The following DNAJC5B variants were observed in gnomAD, a reference collection of about 807,000 sequenced individuals.
DNAJC5B encodes DnaJ heat shock protein family (Hsp40) member C5 beta.
DNAJC5B carries 23 observed loss-of-function variants against 24.7 expected under a neutral mutation model. That is an observed-to-expected ratio of 0.93 (90% CI 0.67 to 1.32). The LOEUF (loss-of-function observed/expected upper bound fraction) is 1.32, where lower values mean the gene tolerates loss of function less well. Ranked by LOEUF, DNAJC5B falls within the 40% of genes most tolerant of loss-of-function variation. DNAJC5B has a pLI of 0.00. For synonymous variants in DNAJC5B, 101 were observed against 90.1 expected (o/e 1.12, Z -0.68); for missense variants, 238 against 240.8 (o/e 0.99, Z 0.08).
chr8:66,030,479 G>T (rs1366052986), intron 1 of DNAJC5B, among the ~76,000 whole-genome samples: 2 of 152,146 alleles, frequency 1.3e-5, no homozygotes, highest in Non-Finnish European at 2.9e-5. Context: ...TCAGAAAGTA[G>T]TTCATCTCCA....
intron 1 of DNAJC5B, among the ~76,000 whole-genome samples, chr8:66,034,597 G>C (rs1248706959): frequency 6.6e-6 from 1 of 151,884 alleles, no homozygotes; most frequent in Non-Finnish European, 1.5e-5. Context: ...GAAAGGCAAA[G>C]CTGGAGTTTC....
chr8:66,045,304 G>A (rs1806700020), intron 2 of DNAJC5B, among the ~76,000 whole-genome samples: 1 of 152,178 alleles, frequency 6.6e-6, no homozygotes, highest in Non-Finnish European at 1.5e-5. Context: ...TTGTCTGTCT[G>A]AAAGGAAATA....
intron 3 of DNAJC5B, among the ~76,000 whole-genome samples, chr8:66,060,575 A>G (rs1333957196): frequency 6.6e-6 from 1 of 152,216 alleles, no homozygotes; most frequent in Non-Finnish European, 1.5e-5. Flanking sequence ...CTGGGTAAAT[A>G]AAGTGTATTA....
intron 1 of DNAJC5B, among the ~76,000 whole-genome samples, chr8:66,039,191 G>T (rs921153098): frequency 6.6e-6 from 1 of 152,112 alleles, no homozygotes; most frequent in Non-Finnish European, 1.5e-5. Flanking sequence ...GCAAAGCTCC[G>T]TAATGGGTGA....
At chr8:66,057,956 G>T (rs1365891494) in intron 3 of DNAJC5B, 1 of 152,246 alleles carries the variant, frequency 6.6e-6, no homozygotes, top group Non-Finnish European at 1.5e-5. Context: ...GATAAAGAAA[G>T]GATCTTAGAC....
intron 4 of DNAJC5B, among the ~76,000 whole-genome samples, chr8:66,080,170 C>T (rs1807560286): frequency 6.6e-6 from 1 of 152,140 alleles, no homozygotes; most frequent in Non-Finnish European, 1.5e-5. Context: ...GTCTAATTTA[C>T]TAGGCAAAAC....
At chr8:66,049,564 T>C (rs1440267554) in intron 2 of DNAJC5B, among the ~76,000 whole-genome samples, 2 of 152,228 alleles carry the variant, frequency 1.3e-5, no homozygotes, top group Non-Finnish European at 2.9e-5. Flanking sequence ...TAGTAGGCTC[T>C]ATTATCTAGG....
At chr8:66,046,137 C>T (rs1806718148) in intron 2 of DNAJC5B, among the ~76,000 whole-genome samples, 1 of 152,136 alleles carries the variant, frequency 6.6e-6, no homozygotes, top group Non-Finnish European at 1.5e-5. Flanking sequence ...ACCCAGAGAC[C>T]AGGAATCTTC....
chr8:66,018,075 T>G (rs1405071667), upstream of DNAJC5B, among the ~76,000 whole-genome samples: 1 of 152,198 alleles, frequency 6.6e-6, no homozygotes, highest in Non-Finnish European at 1.5e-5. Flanking sequence ...CAATTTCTTG[T>G]GCATTCAATT....
chr8:66,041,104 A>G (rs1806599121), intron 1 of DNAJC5B, among the ~76,000 whole-genome samples: 1 of 152,234 alleles, frequency 6.6e-6, no homozygotes, highest in Admixed American at 6.5e-5. Context: ...AAGTAAGTTA[A>G]CACAATGAAT....
chr8:66,033,227 C>G (rs868019196), intron 1 of DNAJC5B, among the ~76,000 whole-genome samples: 1 of 152,220 alleles, frequency 6.6e-6, no homozygotes, highest in Non-Finnish European at 1.5e-5. Flanking sequence ...GAGGTCGGCA[C>G]CTGTTTTGCA....
At chr8:66,076,944 C>T in intron 4 of DNAJC5B, 71 bp downstream of exon 4, 2 of 1,545,846 alleles carry the variant, frequency 1.3e-6, no homozygotes, top group East Asian at 2.3e-5. Context: ...TAGATTCCAT[C>T]TCAAAGGAAG....
At chr8:66,049,164 T>A (rs540464267) in intron 2 of DNAJC5B, among the ~76,000 whole-genome samples, 2 of 152,364 alleles carry the variant, frequency 1.3e-5, no homozygotes, top group African/African-American at 4.8e-5. Flanking sequence ...ACAATGGTAA[T>A]CCCAGAAGAT....
chr8:66,091,550 T>C (rs1344180766), intron 5 of DNAJC5B, among the ~76,000 whole-genome samples: 1 of 152,162 alleles, frequency 6.6e-6, no homozygotes, highest in Non-Finnish European at 1.5e-5. Context: ...TAGAGTCATA[T>C]TGGGCTGTTC....
chr8:66,028,939 G>A (rs988596812), intron 1 of DNAJC5B, among the ~76,000 whole-genome samples: 3 of 152,290 alleles, frequency 2.0e-5, no homozygotes, highest in Admixed American at 2.0e-4. Flanking sequence ...ACTGGACCAA[G>A]CCTCTCCCCT....
At chr8:66,021,097 AC>A (rs1806110221), upstream of DNAJC5B, among the ~76,000 whole-genome samples, 1 of 152,188 alleles carries the variant, frequency 6.6e-6, no homozygotes, top group Non-Finnish European at 1.5e-5. Flanking sequence ...TACTCCTGGC[AC>A]CTGTGTTGCT....
intron 3 of DNAJC5B, 100 bp from the exon 4 acceptor site, chr8:66,076,560 C>T: frequency 8.1e-7 from 1 of 1,236,446 alleles, no homozygotes. Context: ...ACAGTATTTG[C>T]GCTAATAAAG....
At chr8:66,073,133 A>G (rs1427584367) in intron 3 of DNAJC5B, among the ~76,000 whole-genome samples, 1 of 152,168 alleles carries the variant, frequency 6.6e-6, no homozygotes, top group East Asian at 1.9e-4. Context: ...TAGAAAATTT[A>G]AAAGAATTTA....
At position 66,051,579 on chromosome 8, in the gene DNAJC5B, G is replaced by A. The variant is rs139242175; in HGVS notation, c.32G>A (p.Arg11Gln). 1,178 of 1,613,918 alleles carry A rather than the reference G, an allele frequency of 7.3e-4. 1 individual carries two copies. Among genetic ancestry groups the A allele is most frequent in the Middle Eastern group, 6.6e-4 (4 of 6,062 alleles). The change falls in exon 3 of 6, where the codon CGG becomes CAG. Residue 11 changes from arginine to glutamine, a missense_variant. Transcript: ENST00000276570. MACNIPNQRQ[R>Q]TLSTTGEALY... is the part of the protein sequence containing the mutation. ...TGTAACATACCTAACCAAAGACAGC[G>A]GACTCTGTCAACAACAGGAGAAGCT...
Sources: gnomAD v4.1 joint callset for allele counts (sites outside exome capture counted in the v4.1 genomes callset) on GRCh38, gnomAD v4.1.1 for gene constraint, MANE v1.5 for transcripts, NCBI Gene and HGNC (gene_info 2026-07-23, HGNC 2026-07-21) for gene names.